Variants in LSAMP observed in about 807,000 individuals in gnomAD.
The protein encoded by LSAMP is limbic system associated membrane protein, also known as limbic system-associated membrane protein.
In LSAMP, 7 loss-of-function variants were observed where a neutral mutation model predicts 38.6. The ratio of observed to expected loss-of-function variants is 0.18; its 90% CI spans 0.10 to 0.34. LSAMP has a LOEUF of 0.34. Among genes scored for constraint, LSAMP ranks in the 10% least tolerant of loss-of-function variants. The pLI is 1.00. For synonymous variants in LSAMP, 154 were observed against 166.8 expected, an observed-to-expected ratio of 0.92 and a Z score of 0.59; for missense variants, 313 against 420.0, an observed-to-expected ratio of 0.75 and a Z score of 2.23.
chr3:116,000,168 A>G (rs998879179), intron 3 of LSAMP, among the ~76,000 whole-genome samples: 1 of 151,992 alleles, frequency 6.6e-6, no homozygotes, highest in African/African-American at 2.4e-5. Context: ...TAATGCCTCT[A>G]CTCTTTGTTT....
intron 1 of LSAMP, among the ~76,000 whole-genome samples, chr3:116,253,205 A>G (rs865975205): frequency 1.8e-4 from 24 of 131,906 alleles, no homozygotes; most frequent in African/African-American, 5.3e-4. Flanking sequence ...AAATAAATAC[A>G]GAATACGGAA....
chr3:115,945,780 C>T (rs1166586007), intron 3 of LSAMP, among the ~76,000 whole-genome samples: 1 of 152,154 alleles, frequency 6.6e-6, no homozygotes, highest in Non-Finnish European at 1.5e-5. Context: ...ACTGTACTGT[C>T]ACTAGAACTC....
chr3:115,962,169 T>C (rs1017540077), intron 3 of LSAMP, among the ~76,000 whole-genome samples: 3 of 152,200 alleles, frequency 2.0e-5, no homozygotes, highest in Admixed American at 6.5e-5. Flanking sequence ...TGCAATCAAA[T>C]GGCCATTCAG....
intron 1 of LSAMP, among the ~76,000 whole-genome samples, chr3:116,195,371 GCTTT>G (rs1260440728): frequency 6.6e-6 from 1 of 151,812 alleles, no homozygotes; most frequent in East Asian, 1.9e-4. Flanking sequence ...TTTTTTTCAG[GCTTT>G]CTATTATTAA....
chr3:116,265,357 G>C (rs1259169398), intron 1 of LSAMP, among the ~76,000 whole-genome samples: 1 of 152,122 alleles, frequency 6.6e-6, no homozygotes, highest in African/African-American at 2.4e-5. Flanking sequence ...AGCTCAATGT[G>C]GGACTGCATT....
intron 1 of LSAMP, among the ~76,000 whole-genome samples, chr3:116,378,178 C>T (rs2048516768): frequency 6.6e-6 from 1 of 152,016 alleles, no homozygotes; most frequent in African/African-American, 2.4e-5. Context: ...CACCAAGGCT[C>T]ATGACAATGG....
intron 6 of LSAMP, among the ~76,000 whole-genome samples, chr3:115,818,100 G>C (rs769957794): frequency 2.6e-5 from 4 of 152,164 alleles, no homozygotes; most frequent in Non-Finnish European, 5.9e-5. Context: ...CACTTCTCTA[G>C]ACAGAACCTA....
At chr3:116,330,808 CAA>C (rs2047841772) in intron 1 of LSAMP, among the ~76,000 whole-genome samples, 2 of 151,900 alleles carry the variant, frequency 1.3e-5, no homozygotes, top group African/African-American at 4.8e-5. Context: ...GAAAGATTTC[CAA>C]AGTTACCACA....
intron 1 of LSAMP, among the ~76,000 whole-genome samples, chr3:116,233,351 T>C (rs574183967): frequency 9.2e-5 from 12 of 131,102 alleles, no homozygotes; most frequent in African/African-American, 3.5e-4. Flanking sequence ...AGGTGGAGCT[T>C]ACAGTGAGCT....
At chr3:116,085,176 T>G (rs1007474608) in intron 2 of LSAMP, among the ~76,000 whole-genome samples, 3 of 152,160 alleles carry the variant, frequency 2.0e-5, no homozygotes, top group Non-Finnish European at 2.9e-5. Context: ...TGATTGGAAC[T>G]TTGCAAGCTA....
intron 1 of LSAMP, among the ~76,000 whole-genome samples, chr3:116,111,604 T>G (rs1708617437): frequency 6.6e-6 from 1 of 150,628 alleles, no homozygotes; most frequent in African/African-American, 2.5e-5. Context: ...TAGTCTTTTT[T>G]TCCTTTTCCT....
At chr3:116,054,181 G>A (rs867536793) in intron 2 of LSAMP, among the ~76,000 whole-genome samples, 1 of 152,272 alleles carries the variant, frequency 6.6e-6, no homozygotes, top group South Asian at 2.1e-4. Context: ...AGCCAGCAGT[G>A]CAGCATCAAT....
At chr3:115,878,060 T>G (rs1035445549) in intron 3 of LSAMP, among the ~76,000 whole-genome samples, 1 of 152,152 alleles carries the variant, frequency 6.6e-6, no homozygotes, top group Admixed American at 6.5e-5. Context: ...GAGACACGAT[T>G]GTTCTGCAGT....
At chr3:116,278,364 A>G (rs2107678911) in intron 1 of LSAMP, among the ~76,000 whole-genome samples, 1 of 152,246 alleles carries the variant, frequency 6.6e-6, no homozygotes, top group Non-Finnish European at 1.5e-5. Context: ...GGACATTTAA[A>G]TGAAACTATT....
intron 1 of LSAMP, among the ~76,000 whole-genome samples, chr3:116,424,287 T>A (rs1217258147): frequency 6.6e-6 from 1 of 152,196 alleles, no homozygotes; most frequent in Non-Finnish European, 1.5e-5. Context: ...GCCTGTACAT[T>A]GTTGGTGCTG....
rs556556062 is a variant in LSAMP, at chr3:116,237,474, A to C, written c.156-150918T>G. On this transcript the variant is annotated intron_variant, in intron 1 of 6. Transcript: ENST00000490035. The stretch of plus-strand genomic sequence containing the variant: ...AGCATGAAGCTTTAGCAATACATTC[A>C]AGGTAAGAAGTATGAAATGGAACAC... Among the ~76,000 whole-genome samples, 592 of 152,324 alleles carry C rather than the reference A, an allele frequency of 3.9e-3. 4 individuals carry two copies. Among genetic ancestry groups the C allele is most frequent in the African/African-American group, 0.013 (560 of 41,580 alleles).
At chr3:115,921,124 T>C (rs939635712) in intron 3 of LSAMP, among the ~76,000 whole-genome samples, 1 of 152,100 alleles carries the variant, frequency 6.6e-6, no homozygotes, top group Non-Finnish European at 1.5e-5. Context: ...TGATAGCATA[T>C]AGTTAGATCT....
At chr3:115,853,448 G>A (rs1003798530) in intron 3 of LSAMP, among the ~76,000 whole-genome samples, 7 of 152,264 alleles carry the variant, frequency 4.6e-5, no homozygotes, top group Non-Finnish European at 7.3e-5. Context: ...GGGAGGTCCT[G>A]TTTGGAAAGA....
At chr3:116,339,108 G>A (rs2047957656) in intron 1 of LSAMP, among the ~76,000 whole-genome samples, 1 of 151,954 alleles carries the variant, frequency 6.6e-6, no homozygotes, top group African/African-American at 2.4e-5. Context: ...GAAAATATGA[G>A]AATGACAGGG....
Sources: gnomAD v4.1 joint callset for allele counts (sites outside exome capture counted in the v4.1 genomes callset) on GRCh38, gnomAD v4.1.1 for gene constraint, MANE v1.5 for transcripts, NCBI Gene and HGNC (gene_info 2026-07-23, HGNC 2026-07-21) for gene names.